The following CADM2 variants were observed in gnomAD, a reference collection of about 807,000 sequenced individuals.
CADM2 encodes the protein cell adhesion molecule 2.
A neutral mutation model predicts 49.8 loss-of-function variants in CADM2; 12 were observed. That is an observed-to-expected ratio of 0.24 (90% CI 0.15 to 0.39). The LOEUF is 0.39. CADM2 is among the 10% of genes least tolerant of loss of function. The pLI, the probability that CADM2 is intolerant of heterozygous loss-of-function variation, is 1.00. For missense variants in CADM2, 378 were observed against 492.3 expected, an observed-to-expected ratio of 0.77 and a Z score of 2.20; for synonymous variants, 214 against 175.4, an observed-to-expected ratio of 1.22 and a Z score of -1.74.
At chr3:85,367,821 A>G in intron 1 of CADM2, among the ~76,000 whole-genome samples, 1 of 79,702 alleles carries the variant, frequency 1.3e-5, no homozygotes, top group Non-Finnish European at 3.1e-5. Context: ...ACATATATAT[A>G]TATACATATA....
intron 1 of CADM2, among the ~76,000 whole-genome samples, chr3:85,693,921 AAAAAG>A (rs1198342405): frequency 5.7e-4 from 87 of 151,636 alleles, no homozygotes; most frequent in African/African-American, 1.8e-3. Context: ...AAAAGAAAAA[AAAAAG>A]AAAAGAAAAG....
intron 1 of CADM2, among the ~76,000 whole-genome samples, chr3:85,651,999 A>G (rs368977577): frequency 4.2e-5 from 1 of 23,686 alleles, no homozygotes. Context: ...TTTTTTTTTA[A>G]TTAGAGACGG....
chr3:85,240,425 A>G (rs901474432), intron 1 of CADM2, among the ~76,000 whole-genome samples: 2 of 151,552 alleles, frequency 1.3e-5, no homozygotes, highest in Non-Finnish European at 1.5e-5. Context: ...AACTTTAGTC[A>G]TAATGATTAT....
intron 1 of CADM2, among the ~76,000 whole-genome samples, chr3:85,547,045 T>C (rs760196834): frequency 3.9e-5 from 6 of 151,934 alleles, no homozygotes; most frequent in Non-Finnish European, 7.4e-5. Context: ...AAGTAGGGAT[T>C]CAAGCTGATA....
At chr3:85,722,073 C>G (rs1343827511) in intron 1 of CADM2, among the ~76,000 whole-genome samples, 1 of 152,076 alleles carries the variant, frequency 6.6e-6, no homozygotes, top group Non-Finnish European at 1.5e-5. Context: ...TAGCTCCTTT[C>G]TGCAGCTCGT....
At chr3:84,983,838 G>A (rs925184498) in intron 1 of CADM2, among the ~76,000 whole-genome samples, 4 of 152,008 alleles carry the variant, frequency 2.6e-5, no homozygotes, top group African/African-American at 9.7e-5. Context: ...CACAACACAA[G>A]TGGGGCTTTA....
chr3:85,408,524 A>G (rs766795563), intron 1 of CADM2, among the ~76,000 whole-genome samples: 3 of 152,208 alleles, frequency 2.0e-5, no homozygotes, highest in Non-Finnish European at 2.9e-5. Flanking sequence ...AGCAACTACC[A>G]TACAAACTAT....
intron 1 of CADM2, among the ~76,000 whole-genome samples, chr3:85,580,599 G>A (rs888868932): frequency 2.0e-5 from 3 of 152,012 alleles, no homozygotes; most frequent in African/African-American, 7.2e-5. Flanking sequence ...TTATTCCAGG[G>A]AGGGTCCTGG....
At chr3:84,993,506 C>T (rs530266434) in intron 1 of CADM2, among the ~76,000 whole-genome samples, 3 of 152,054 alleles carry the variant, frequency 2.0e-5, no homozygotes, top group Non-Finnish European at 4.4e-5. Flanking sequence ...ACCCTGTAAT[C>T]GTCAACTTTA....
chr3:86,033,594 T>C (rs1475131455), intron 8 of CADM2, among the ~76,000 whole-genome samples: 1 of 150,472 alleles, frequency 6.6e-6, no homozygotes, highest in African/African-American at 2.4e-5. Context: ...TTTAGTTTTT[T>C]CCTTCCAATT....
chr3:85,852,299 T>G (rs2075138626), intron 3 of CADM2, among the ~76,000 whole-genome samples: 1 of 152,116 alleles, frequency 6.6e-6, no homozygotes, highest in Non-Finnish European at 1.5e-5. Context: ...CATGAATGCA[T>G]GAATTAATAG....
At chr3:85,982,154 T>C (rs1237030454) in intron 8 of CADM2, among the ~76,000 whole-genome samples, 3 of 151,818 alleles carry the variant, frequency 2.0e-5, no homozygotes, top group Non-Finnish European at 2.9e-5. Flanking sequence ...ACATGTCTGC[T>C]TTTGAGAATT....
At chr3:85,672,231 C>T (rs1452045438) in intron 1 of CADM2, among the ~76,000 whole-genome samples, 17 of 121,476 alleles carry the variant, frequency 1.4e-4, no homozygotes, top group Admixed American at 9.3e-4. Context: ...CTCGGTCTTT[C>T]GCCCAGGCCA....
At chr3:85,278,246 TTC>T (rs1185984790) in intron 1 of CADM2, among the ~76,000 whole-genome samples, 3 of 151,330 alleles carry the variant, frequency 2.0e-5, no homozygotes, top group African/African-American at 7.3e-5. Context: ...CACTCACAAA[TTC>T]TCTTTCCCAA....
chr3:85,250,175 G>A (rs1217222036), intron 1 of CADM2, among the ~76,000 whole-genome samples: 1 of 151,312 alleles, frequency 6.6e-6, no homozygotes, highest in South Asian at 2.1e-4. Context: ...TAAACAATTT[G>A]CTGAGTAAAA....
chr3:85,664,322 G>C (rs1183004369), intron 1 of CADM2, among the ~76,000 whole-genome samples: 1 of 151,892 alleles, frequency 6.6e-6, no homozygotes, highest in Non-Finnish European at 1.5e-5. Context: ...TATAGCTACA[G>C]GCATTTTCAA....
chr3:85,513,380 A>C (rs534521042), intron 1 of CADM2, among the ~76,000 whole-genome samples: 9 of 152,068 alleles, frequency 5.9e-5, no homozygotes, highest in Middle Eastern at 3.4e-3. Flanking sequence ...ATTAATCAAG[A>C]CCCATCGTCA....
At chr3:85,167,354 C>T (rs949339608) in intron 1 of CADM2, among the ~76,000 whole-genome samples, 2 of 151,670 alleles carry the variant, frequency 1.3e-5, no homozygotes, top group South Asian at 4.2e-4. Context: ...ATTTGTACTG[C>T]TTTTTATATT....
At chr3:85,421,416 A>G (rs1576523009) in intron 1 of CADM2, among the ~76,000 whole-genome samples, 1 of 152,290 alleles carries the variant, frequency 6.6e-6, no homozygotes, top group Non-Finnish European at 1.5e-5. Context: ...TCTTCAAATT[A>G]ATTATTTAAC....
Sources: allele counts gnomAD v4.1 joint callset (sites outside exome capture counted in the v4.1 genomes callset), GRCh38; gene constraint gnomAD v4.1.1; transcripts MANE v1.5; gene names NCBI Gene and HGNC (gene_info 2026-07-23, HGNC 2026-07-21).